AGBL1: variants seen among roughly 807,000 people sequenced by gnomAD.
AGBL1 encodes cytosolic carboxypeptidase 4.
Under a neutral mutation model 118.9 loss-of-function variants are expected in AGBL1, and 130 were observed. The ratio of observed to expected loss-of-function variants is 1.09; its 90% CI spans 0.95 to 1.26. The LOEUF (loss-of-function observed/expected upper bound fraction) is 1.26. Among genes scored for constraint, AGBL1 ranks in the 50% most tolerant of loss-of-function variants. The pLI is 0.00. For missense variants in AGBL1, 1,584 were observed against 1,298.1 expected, an observed-to-expected ratio of 1.22 and a Z score of -3.38; for synonymous variants, 555 against 478.9, an observed-to-expected ratio of 1.16 and a Z score of -2.08.
chr15:86,873,923 A>C (rs1178332126), intron 22 of AGBL1, among the ~76,000 whole-genome samples: 2 of 152,222 alleles, frequency 1.3e-5, no homozygotes, highest in Non-Finnish European at 2.9e-5. Context: ...TAGTTATAAT[A>C]GAAAGAACAG....
intron 22 of AGBL1, among the ~76,000 whole-genome samples, chr15:86,756,607 T>C (rs894953376): frequency 7.2e-5 from 11 of 152,008 alleles, no homozygotes; most frequent in African/African-American, 2.7e-4. Flanking sequence ...TAAATGAAGA[T>C]GAGGAGTTCT....
chr15:86,601,363 G>A (rs2084490096), intron 21 of AGBL1, among the ~76,000 whole-genome samples: 1 of 152,096 alleles, frequency 6.6e-6, no homozygotes, highest in South Asian at 2.1e-4. Context: ...TTCCAAGTAT[G>A]TGTTGCTTAT....
At chr15:86,786,228 G>A (rs1037535965) in intron 22 of AGBL1, among the ~76,000 whole-genome samples, 3 of 151,960 alleles carry the variant, frequency 2.0e-5, no homozygotes, top group African/African-American at 4.8e-5. Flanking sequence ...TTAGCATTAG[G>A]TATATCTCCT....
chr15:86,391,634 T>C (rs943319548), intron 17 of AGBL1, among the ~76,000 whole-genome samples: 3 of 146,208 alleles, frequency 2.1e-5, no homozygotes, highest in African/African-American at 2.6e-5. Context: ...TATAATGTTG[T>C]TGTTGGTTTT....
At chr15:86,272,810 T>A (rs1023579344) in intron 15 of AGBL1, among the ~76,000 whole-genome samples, 1 of 152,212 alleles carries the variant, frequency 6.6e-6, no homozygotes, top group African/African-American at 2.4e-5. Context: ...AGGATTTTTT[T>A]ATATCCTTTA....
chr15:86,767,580 A>AT (rs2078114327), intron 22 of AGBL1, among the ~76,000 whole-genome samples: 1 of 151,964 alleles, frequency 6.6e-6, no homozygotes. Context: ...ATAATATAGC[A>AT]TTTATTGAGC....
chr15:86,328,486 GGCTTGTAGCAT>G (rs1319152667), intron 17 of AGBL1, among the ~76,000 whole-genome samples: 1 of 152,048 alleles, frequency 6.6e-6, no homozygotes, highest in Non-Finnish European at 1.5e-5. Flanking sequence ...GCAGATTAGA[GGCTTGTAGCAT>G]GCCTCAGCCA....
At chr15:86,554,303 G>C in intron 20 of AGBL1, 58 bp from the exon 21 acceptor site, 1 of 1,381,676 alleles carries the variant, frequency 7.2e-7, no homozygotes, top group Non-Finnish European at 9.7e-7. Context: ...CTATTTTTAT[G>C]ATGACTATCC....
chr15:86,448,324 G>A (rs1027246089), intron 18 of AGBL1, among the ~76,000 whole-genome samples: 2 of 152,076 alleles, frequency 1.3e-5, no homozygotes, highest in African/African-American at 4.8e-5. Flanking sequence ...GGCTACTCTT[G>A]GGTAACTCCT....
chr15:86,600,867 A>G (rs2084482271), intron 21 of AGBL1, among the ~76,000 whole-genome samples: 1 of 152,172 alleles, frequency 6.6e-6, no homozygotes, highest in Non-Finnish European at 1.5e-5. Context: ...TAAACATTCT[A>G]AACACTACTG....
intron 22 of AGBL1, among the ~76,000 whole-genome samples, chr15:86,714,191 G>A (rs1387913513): frequency 7.2e-5 from 11 of 152,062 alleles, no homozygotes; most frequent in Admixed American, 3.3e-4. Context: ...ATGATAAGGG[G>A]CCCAAGAAAT....
At chr15:86,586,357 A>AT (rs2084247622) in intron 21 of AGBL1, among the ~76,000 whole-genome samples, 1 of 152,214 alleles carries the variant, frequency 6.6e-6, no homozygotes, top group African/African-American at 2.4e-5. Flanking sequence ...AATATTTATT[A>AT]GAACTTACTA....
intron 5 of AGBL1, among the ~76,000 whole-genome samples, chr15:86,169,050 C>A (rs1567100850): frequency 6.6e-6 from 1 of 152,164 alleles, no homozygotes; most frequent in African/African-American, 2.4e-5. Flanking sequence ...GAGATAAGCC[C>A]TTAAATTCCC....
chr15:86,088,914 A>G (rs900743234), intron 1 of AGBL1, among the ~76,000 whole-genome samples: 2 of 152,066 alleles, frequency 1.3e-5, no homozygotes, highest in Non-Finnish European at 2.9e-5. Flanking sequence ...TTCTTCCATC[A>G]TGGTTGGAAT....
At chr15:86,323,507 C>G (rs2080136894) in intron 17 of AGBL1, among the ~76,000 whole-genome samples, 1 of 151,928 alleles carries the variant, frequency 6.6e-6, no homozygotes, top group African/African-American at 2.4e-5. Flanking sequence ...TATAAATGGT[C>G]CATCCACTAT....
At chr15:86,375,282 G>C (rs1445579642) in intron 17 of AGBL1, among the ~76,000 whole-genome samples, 1 of 152,158 alleles carries the variant, frequency 6.6e-6, no homozygotes, top group Non-Finnish European at 1.5e-5. Context: ...CATGGCAGAA[G>C]GGAAAGCAGG....
intron 19 of AGBL1, among the ~76,000 whole-genome samples, chr15:86,541,238 G>T (rs993605857): frequency 6.6e-6 from 1 of 152,112 alleles, no homozygotes; most frequent in African/African-American, 2.4e-5. Context: ...AGGTCCTGGG[G>T]CTGGGGCATG....
In AGBL1 at chr15:86,546,142, C is replaced by T. The variant is rs1402660657; in HGVS notation, c.2817+9C>T. ...AGGAGGTCAACTACAGGGTAAGCCGCTGTGGGGAATGACATCAGACATGCT... is the reference window on the plus strand; with the variant it reads ...AGGAGGTCAACTACAGGGTAAGCCGTTGTGGGGAATGACATCAGACATGCT... On this transcript the variant is annotated intron_variant, in intron 20 of 22. Coordinates refer to ENST00000614907, the MANE Select transcript of AGBL1 (RefSeq NM_001386094.1). 1.9e-6 allele frequency: 3 copies of T among 1,608,378 alleles called. No homozygotes were observed. The highest frequency in any genetic ancestry group is 1.7e-6 in the Non-Finnish European group (2 of 1,176,082).
intron 6 of AGBL1, among the ~76,000 whole-genome samples, chr15:86,228,241 G>A (rs180836482): frequency 3.6e-4 from 55 of 152,238 alleles, no homozygotes; most frequent in Non-Finnish European, 5.7e-4. Context: ...TGCCTCAGCC[G>A]AACTTAAATT....
Sources: allele counts gnomAD v4.1 joint callset (sites outside exome capture counted in the v4.1 genomes callset), GRCh38; gene constraint gnomAD v4.1.1; transcripts MANE v1.5; gene names NCBI Gene and HGNC (gene_info 2026-07-23, HGNC 2026-07-21).